The following SCAPER variants were observed in gnomAD, a reference collection of about 807,000 sequenced individuals.
The protein encoded by SCAPER is S phase cyclin A-associated protein in the endoplasmic reticulum.
In SCAPER, 98 loss-of-function variants were observed where a neutral mutation model predicts 182.2. That is an observed-to-expected ratio of 0.54 (90% CI 0.46 to 0.64). SCAPER has a LOEUF of 0.64. Among genes scored for constraint, SCAPER ranks in the 30% least tolerant of loss-of-function variants. SCAPER has a pLI of 0.00. For synonymous variants in SCAPER, 605 were observed against 564.6 expected (o/e 1.07, Z -1.01); for missense variants, 1,432 against 1,690.0 (o/e 0.85, Z 2.68).
At chr15:76,362,596 A>G (rs1433212924) in intron 29 of SCAPER, among the ~76,000 whole-genome samples, 1 of 151,920 alleles carries the variant, frequency 6.6e-6, no homozygotes, top group Non-Finnish European at 1.5e-5. Flanking sequence ...TATCCTTAGT[A>G]GAGATGGGGT....
At chr15:76,885,523 G>A (rs1302028443) in intron 1 of SCAPER, among the ~76,000 whole-genome samples, 6 of 152,240 alleles carry the variant, frequency 3.9e-5, no homozygotes, top group Middle Eastern at 3.4e-3. Context: ...TGGCTCTGTC[G>A]CCCAGACTGG....
At chr15:76,832,340 G>A (rs3099136) in intron 5 of SCAPER, among the ~76,000 whole-genome samples, 6,742 of 152,204 alleles carry the variant, frequency 0.044, 325 homozygotes, top group African/African-American at 0.12. Context: ...CAATACAATT[G>A]GAAGAATTAA....
At chr15:76,566,173 C>G (rs2047021200) in intron 23 of SCAPER, among the ~76,000 whole-genome samples, 1 of 152,114 alleles carries the variant, frequency 6.6e-6, no homozygotes, top group Non-Finnish European at 1.5e-5. Flanking sequence ...ATAGTCACAA[C>G]AGTTGGCAAA....
intron 18 of SCAPER, among the ~76,000 whole-genome samples, chr15:76,703,965 T>C (rs555768359): frequency 1.2e-4 from 19 of 152,318 alleles, no homozygotes; most frequent in Middle Eastern, 3.4e-3. Flanking sequence ...AGCCAGCATG[T>C]AAATAACTGT....
chr15:76,839,390 G>A (rs181351869), intron 5 of SCAPER, among the ~76,000 whole-genome samples: 55 of 152,250 alleles, frequency 3.6e-4, no homozygotes, highest in African/African-American at 1.3e-3. Flanking sequence ...ATCTCATAAA[G>A]ATACTAACCA....
Position 76,621,592 on chromosome 15 carries a change from G to A in SCAPER, c.2711+172C>T, listed in dbSNP as rs191842099. Among the ~76,000 whole-genome samples, 543 of 152,228 alleles carry A rather than the reference G, an allele frequency of 3.6e-3. 4 individuals carry two copies. Among genetic ancestry groups the A allele is most frequent in the Non-Finnish European group, 5.2e-3 (352 of 68,006 alleles). On this transcript the variant is annotated intron_variant, in intron 22 of 31. Transcript: ENST00000563290. ...CTCACAAGAACTGTGCCCAGACATG[G>A]CCAAATATCCTCAGCCAACTCTCCT...
At chr15:76,467,308 C>A (rs774146740) in intron 25 of SCAPER, among the ~76,000 whole-genome samples, 2 of 152,152 alleles carry the variant, frequency 1.3e-5, no homozygotes, top group African/African-American at 2.4e-5. Flanking sequence ...TCAGCAGCAT[C>A]CAAAGTATGC....
intron 21 of SCAPER, among the ~76,000 whole-genome samples, chr15:76,626,684 T>G (rs1027340220): frequency 1.3e-5 from 2 of 152,174 alleles, no homozygotes; most frequent in Admixed American, 6.5e-5. Context: ...ACCACTGCAC[T>G]CCAGCCTGGA....
chr15:76,853,530 T>A (rs763802221), intron 4 of SCAPER, among the ~76,000 whole-genome samples: 5 of 151,934 alleles, frequency 3.3e-5, no homozygotes, highest in African/African-American at 1.2e-4. Context: ...ATAAATGTGA[T>A]TCAACACCTA....
At chr15:76,459,979 C>A (rs1174431392) in intron 25 of SCAPER, among the ~76,000 whole-genome samples, 1 of 152,086 alleles carries the variant, frequency 6.6e-6, no homozygotes, top group Non-Finnish European at 1.5e-5. Flanking sequence ...CAGTTGGCTG[C>A]AAATAAGTGG....
At chr15:76,880,183 C>T (rs1440072682) in intron 2 of SCAPER, among the ~76,000 whole-genome samples, 3 of 152,166 alleles carry the variant, frequency 2.0e-5, no homozygotes, top group Non-Finnish European at 4.4e-5. Context: ...GAAACTTACT[C>T]TTTTCTTGAT....
At chr15:76,764,249 G>A (rs1232138130) in intron 14 of SCAPER, among the ~76,000 whole-genome samples, 2 of 152,254 alleles carry the variant, frequency 1.3e-5, no homozygotes, top group African/African-American at 4.8e-5. Context: ...TGGCGTGGCA[G>A]CTCAGGGAGC....
intron 3 of SCAPER, among the ~76,000 whole-genome samples, chr15:76,859,553 C>G (rs958261184): frequency 2.6e-5 from 4 of 152,076 alleles, no homozygotes; most frequent in Non-Finnish European, 5.9e-5. Flanking sequence ...AGTCATAAAA[C>G]AAGAACAAGC....
At chr15:76,607,980 G>A (rs942277913) in intron 22 of SCAPER, among the ~76,000 whole-genome samples, 1 of 152,090 alleles carries the variant, frequency 6.6e-6, no homozygotes, top group African/African-American at 2.4e-5. Flanking sequence ...CTGTAGCTCA[G>A]AGTAGTTTGA....
At chr15:76,386,171 T>C (rs914000688) in intron 27 of SCAPER, among the ~76,000 whole-genome samples, 1 of 152,230 alleles carries the variant, frequency 6.6e-6, no homozygotes, top group Non-Finnish European at 1.5e-5. Context: ...ATAAGGACCC[T>C]TGTAATTACA....
In SCAPER at chr15:76,376,844, T is replaced by TA. The variant is rs548114671; in HGVS notation, c.3706-534dup. 2.4e-4 allele frequency among the ~76,000 whole-genome samples: 37 copies of TA among 152,076 alleles called. No homozygotes were observed. The South Asian group carries it at 4.8e-3, about 20-fold the overall frequency. On this transcript the variant is annotated intron_variant, in intron 28 of 31. Transcript: ENST00000563290. ...TAAACCGAAGGCTCCCAAAAGAATG[T>TA]AAAAAAACAAAACAAAAAATTCTCC...
intron 5 of SCAPER, among the ~76,000 whole-genome samples, chr15:76,814,313 G>C (rs985078576): frequency 3.3e-5 from 5 of 152,188 alleles, no homozygotes; most frequent in African/African-American, 1.2e-4. Flanking sequence ...ACAATGTGGA[G>C]AGAGAAAAAT....
At chr15:76,903,558 A>C (rs1407920087) in intron 1 of SCAPER, among the ~76,000 whole-genome samples, 1 of 152,140 alleles carries the variant, frequency 6.6e-6, no homozygotes, top group Non-Finnish European at 1.5e-5. Flanking sequence ...CCATCTATTA[A>C]CCAGAAAGCA....
At chr15:76,665,092 GAC>G (rs2056472203) in intron 21 of SCAPER, among the ~76,000 whole-genome samples, 1 of 152,186 alleles carries the variant, frequency 6.6e-6, no homozygotes, top group South Asian at 2.1e-4. Flanking sequence ...GTCATCAGAT[GAC>G]ACTCAAAGCT....
Sources: allele counts gnomAD v4.1 joint callset (sites outside exome capture counted in the v4.1 genomes callset), GRCh38; gene constraint gnomAD v4.1.1; transcripts MANE v1.5; gene names NCBI Gene and HGNC (gene_info 2026-07-23, HGNC 2026-07-21).